ST18: variants seen among roughly 807,000 people sequenced by gnomAD.
ST18 encodes ST18 C2H2C-type zinc finger transcription factor, also known as suppression of tumorigenicity 18 protein.
ST18 carries 50 observed loss-of-function variants against 110.0 expected under a neutral mutation model. The ratio of observed to expected loss-of-function variants is 0.45; its 90% CI spans 0.36 to 0.58. The LOEUF (loss-of-function observed/expected upper bound fraction) is 0.58, where lower values mean the gene tolerates loss of function less well. Ranked by LOEUF, ST18 falls within the 20% of genes least tolerant of loss-of-function variation. The probability of loss-of-function intolerance (pLI) is 0.00; values close to 1 mark genes in which losing one functional copy is unlikely to be tolerated. For missense variants in ST18, 1,306 were observed against 1,280.1 expected (o/e 1.02, Z -0.31); for synonymous variants, 461 against 452.4 (o/e 1.02, Z -0.24).
Position 52,113,131 on chromosome 8 carries a change from AC to A in ST18, c.*66del. The A allele has an allele frequency of 6.3e-7, 1 of 1,592,894 alleles. No homozygotes were observed. Among genetic ancestry groups the A allele is most frequent in the Non-Finnish European group, 8.5e-7 (1 of 1,169,926 alleles). ...ACCTCCACGCCTTAGCAGTACATGA[AC>A]CTCTAACAGATCCATCTGGAGTTTA... On this transcript the variant is annotated 3_prime_UTR_variant, in exon 26 of 26. Coordinates refer to ENST00000689386, the MANE Select transcript of ST18 (RefSeq NM_001352837.2).
chr8:52,268,769 G>A (rs1169397352), intron 2 of ST18, among the ~76,000 whole-genome samples: 1 of 152,182 alleles, frequency 6.6e-6, no homozygotes, highest in Non-Finnish European at 1.5e-5. Flanking sequence ...CTTGGGGCTG[G>A]AGGGTGGCAC....
intron 8 of ST18, among the ~76,000 whole-genome samples, chr8:52,193,550 G>C (rs1439494904): frequency 6.6e-6 from 1 of 152,264 alleles, no homozygotes. Context: ...GCCCAGTCCC[G>C]CTTCCCTCAC....
intron 3 of ST18, among the ~76,000 whole-genome samples, chr8:52,228,086 G>A (rs1252962450): frequency 1.3e-5 from 2 of 152,118 alleles, no homozygotes; most frequent in African/African-American, 4.8e-5. Context: ...CTGTTTGATT[G>A]CTATGCCAGT....
chr8:52,360,633 T>C (rs1317989291), intron 2 of ST18, among the ~76,000 whole-genome samples: 1 of 152,132 alleles, frequency 6.6e-6, no homozygotes, highest in African/African-American at 2.4e-5. Context: ...TGAGGCAAAT[T>C]GTAGGCATTA....
intron 23 of ST18, chr8:52,125,770 G>A (rs891335823): frequency 1.2e-4 from 40 of 345,508 alleles, no homozygotes; most frequent in East Asian, 7.8e-4. Context: ...GATTACAGGC[G>A]TGAGCCAGCA....
intron 2 of ST18, among the ~76,000 whole-genome samples, chr8:52,332,188 G>A (rs1809819459): frequency 6.6e-6 from 1 of 151,986 alleles, no homozygotes; most frequent in African/African-American, 2.4e-5. Flanking sequence ...AACCTAAACA[G>A]TAATTAAAAT....
chr8:52,185,560 G>C (rs1276322416), intron 8 of ST18, among the ~76,000 whole-genome samples: 1 of 152,016 alleles, frequency 6.6e-6, no homozygotes, highest in African/African-American at 2.4e-5. Flanking sequence ...AGGTATTATT[G>C]GTGCAAATAT....
intron 2 of ST18, among the ~76,000 whole-genome samples, chr8:52,348,432 A>G (rs1818695169): frequency 6.6e-6 from 1 of 152,178 alleles, no homozygotes; most frequent in Non-Finnish European, 1.5e-5. Context: ...CTATTTTTTA[A>G]AAAAATGTTT....
chr8:52,219,778 A>G (rs2085922762), intron 5 of ST18, among the ~76,000 whole-genome samples: 1 of 152,220 alleles, frequency 6.6e-6, no homozygotes, highest in Non-Finnish European at 1.5e-5. Flanking sequence ...TTAGAAATGC[A>G]CTGCCATAAA....
intron 8 of ST18, chr8:52,194,624 C>T (rs983669937): frequency 2.7e-4 from 41 of 152,280 alleles, no homozygotes; most frequent in African/African-American, 9.6e-4. Context: ...CAACAACCAC[C>T]CATTACTGTG....
intron 2 of ST18, among the ~76,000 whole-genome samples, chr8:52,368,572 T>C (rs904730403): frequency 6.6e-6 from 1 of 152,212 alleles, no homozygotes; most frequent in Non-Finnish European, 1.5e-5. Context: ...TAGTTCTTTC[T>C]GTATAACAAT....
At chr8:52,131,236 A>G (rs899172493) in intron 22 of ST18, among the ~76,000 whole-genome samples, 4 of 152,346 alleles carry the variant, frequency 2.6e-5, no homozygotes, top group Admixed American at 2.6e-4. Context: ...ATTTTAAACC[A>G]GCATCATGTA....
At chr8:52,190,119 C>A (rs1414417662) in intron 8 of ST18, among the ~76,000 whole-genome samples, 1 of 152,184 alleles carries the variant, frequency 6.6e-6, no homozygotes, top group Non-Finnish European at 1.5e-5. Flanking sequence ...CACCTGACCT[C>A]ATGTGACAGG....
intron 2 of ST18, among the ~76,000 whole-genome samples, chr8:52,354,009 G>A (rs554070824): frequency 8.5e-5 from 13 of 152,284 alleles, no homozygotes; most frequent in East Asian, 1.9e-4. Context: ...GCTGAACAGC[G>A]TCTTCCGAAT....
chr8:52,177,866 C>A (rs772816587), intron 9 of ST18, among the ~76,000 whole-genome samples: 2 of 152,108 alleles, frequency 1.3e-5, no homozygotes, highest in African/African-American at 2.4e-5. Flanking sequence ...CACACACACT[C>A]GTGGCATTAT....
At chr8:52,179,046 A>G (rs571624600) in intron 9 of ST18, among the ~76,000 whole-genome samples, 2 of 152,310 alleles carry the variant, frequency 1.3e-5, no homozygotes, top group South Asian at 4.1e-4. Flanking sequence ...CATAATTAGT[A>G]CTTATTTTTA....
intron 2 of ST18, among the ~76,000 whole-genome samples, chr8:52,303,333 C>T (rs1267537780): frequency 2.0e-5 from 3 of 152,196 alleles, no homozygotes; most frequent in Non-Finnish European, 4.4e-5. Flanking sequence ...ATGTTGCCTT[C>T]GTCCCTTTAT....
intron 23 of ST18, among the ~76,000 whole-genome samples, chr8:52,121,689 C>T (rs1276435691): frequency 6.6e-6 from 1 of 152,096 alleles, no homozygotes; most frequent in Admixed American, 6.6e-5. Context: ...GTTCTTTTAA[C>T]CATGAAAATA....
intron 2 of ST18, among the ~76,000 whole-genome samples, chr8:52,396,381 G>A (rs935857140): frequency 2.6e-5 from 4 of 151,752 alleles, no homozygotes; most frequent in African/African-American, 9.7e-5. Flanking sequence ...TTCTTTCTGT[G>A]TCTGGCTTAC....
Sources: allele counts gnomAD v4.1 joint callset (sites outside exome capture counted in the v4.1 genomes callset), GRCh38; gene constraint gnomAD v4.1.1; transcripts MANE v1.5; gene names NCBI Gene and HGNC (gene_info 2026-07-23, HGNC 2026-07-21).